LRMDA: variants seen among roughly 807,000 people sequenced by gnomAD.
The protein encoded by LRMDA is leucine rich melanocyte differentiation associated, also known as leucine-rich melanocyte differentiation-associated protein.
A neutral mutation model predicts 29.8 loss-of-function variants in LRMDA; 18 were observed. That is an observed-to-expected ratio of 0.60 (90% CI 0.42 to 0.90). LRMDA has a LOEUF of 0.90. Among genes scored for constraint, LRMDA ranks in the 40% least tolerant of loss-of-function variants. The probability of loss-of-function intolerance (pLI) is 0.00; values close to 1 mark genes in which losing one functional copy is unlikely to be tolerated. For missense variants in LRMDA, 273 were observed against 273.9 expected, an observed-to-expected ratio of 1.00 and a Z score of 0.02; for synonymous variants, 125 against 109.4, an observed-to-expected ratio of 1.14 and a Z score of -0.89.
chr10:75,544,411 T>G (rs995072325), intron 2 of LRMDA, among the ~76,000 whole-genome samples: 4 of 152,166 alleles, frequency 2.6e-5, no homozygotes, highest in African/African-American at 9.7e-5. Context: ...GTAAGTGGAA[T>G]TTTTTAGGCT....
At chr10:76,157,730 A>G (rs895116713) in intron 5 of LRMDA, among the ~76,000 whole-genome samples, 3 of 151,996 alleles carry the variant, frequency 2.0e-5, no homozygotes, top group African/African-American at 4.8e-5. Context: ...AATTATGTGT[A>G]TGTGTGTATA....
intron 2 of LRMDA, among the ~76,000 whole-genome samples, chr10:75,653,668 C>G (rs576856265): frequency 4.6e-5 from 7 of 152,144 alleles, no homozygotes; most frequent in Non-Finnish European, 8.8e-5. Context: ...CGCTAAAGAG[C>G]CATCTAGACA....
chr10:76,542,641 C>T (rs1843370844), intron 6 of LRMDA, among the ~76,000 whole-genome samples: 1 of 152,146 alleles, frequency 6.6e-6, no homozygotes. Context: ...TTTTGCACAA[C>T]ATTATTACCT....
At chr10:75,575,102 C>G (rs1372867634) in intron 2 of LRMDA, among the ~76,000 whole-genome samples, 1 of 152,154 alleles carries the variant, frequency 6.6e-6, no homozygotes, top group African/African-American at 2.4e-5. Context: ...GACCATATCT[C>G]ATGAGAACTC....
At chr10:76,191,298 A>C (rs16932997) in intron 5 of LRMDA, among the ~76,000 whole-genome samples, 23,757 of 152,214 alleles carry the variant, frequency 0.16, 2,613 homozygotes, top group East Asian at 0.53. Flanking sequence ...GACAGAATAC[A>C]TAGATCCTGG....
chr10:76,394,361 T>G (rs756281858), intron 6 of LRMDA, among the ~76,000 whole-genome samples: 2 of 152,192 alleles, frequency 1.3e-5, no homozygotes, highest in Non-Finnish European at 2.9e-5. Context: ...CTCTCATCTT[T>G]CTGTGAATGA....
At chr10:75,535,508 T>C (rs1839935484) in intron 2 of LRMDA, among the ~76,000 whole-genome samples, 2 of 152,176 alleles carry the variant, frequency 1.3e-5, no homozygotes, top group African/African-American at 4.8e-5. Flanking sequence ...TTAGAGACTC[T>C]CTTGCTCTTT....
intron 2 of LRMDA, among the ~76,000 whole-genome samples, chr10:76,028,426 G>A (rs973664204): frequency 1.3e-5 from 2 of 151,896 alleles, no homozygotes; most frequent in African/African-American, 4.8e-5. Flanking sequence ...TAATTTTTTC[G>A]AGTAAATATT....
intron 2 of LRMDA, among the ~76,000 whole-genome samples, chr10:75,526,673 T>A (rs1214616204): frequency 6.6e-6 from 1 of 151,918 alleles, no homozygotes; most frequent in African/African-American, 2.4e-5. Context: ...GACAACATAG[T>A]GAGACTCCAT....
intron 2 of LRMDA, among the ~76,000 whole-genome samples, chr10:75,800,701 C>A (rs538946168): frequency 6.6e-6 from 1 of 152,146 alleles, no homozygotes; most frequent in Non-Finnish European, 1.5e-5. Context: ...TTTTAAAGTT[C>A]TTGATTCCTC....
At chr10:76,538,674 C>T (rs1843319674) in intron 6 of LRMDA, among the ~76,000 whole-genome samples, 1 of 151,684 alleles carries the variant, frequency 6.6e-6, no homozygotes, top group Admixed American at 6.6e-5. Flanking sequence ...GATTGTTTAA[C>T]TTGTTACAAC....
chr10:75,986,947 T>A (rs925574617), intron 2 of LRMDA, among the ~76,000 whole-genome samples: 2 of 152,220 alleles, frequency 1.3e-5, no homozygotes, highest in African/African-American at 4.8e-5. Flanking sequence ...CATAGCTACA[T>A]CATTAATTGT....
At chr10:76,445,181 G>A (rs1426739479) in intron 6 of LRMDA, among the ~76,000 whole-genome samples, 1 of 152,062 alleles carries the variant, frequency 6.6e-6, no homozygotes, top group Non-Finnish European at 1.5e-5. Flanking sequence ...GCTGATATAG[G>A]ATAATTTGCC....
chr10:76,201,855 G>A (rs766811706), intron 5 of LRMDA, among the ~76,000 whole-genome samples: 1 of 152,148 alleles, frequency 6.6e-6, no homozygotes, highest in Non-Finnish European at 1.5e-5. Flanking sequence ...TATTTCTTTA[G>A]TTCCCAGTTG....
intron 5 of LRMDA, among the ~76,000 whole-genome samples, chr10:76,258,753 T>C (rs1007027637): frequency 2.6e-5 from 4 of 152,206 alleles, no homozygotes; most frequent in African/African-American, 9.6e-5. Context: ...CTTAACATAA[T>C]ATCCTCCAGT....
chr10:75,703,292 C>T (rs754707392), intron 2 of LRMDA, among the ~76,000 whole-genome samples: 19 of 152,164 alleles, frequency 1.2e-4, no homozygotes, highest in African/African-American at 2.4e-4. Context: ...GATTGGGGGA[C>T]GCAAGCGTCA....
chr10:75,824,577 C>G (rs577603567), intron 2 of LRMDA, among the ~76,000 whole-genome samples: 2 of 152,184 alleles, frequency 1.3e-5, no homozygotes, highest in Admixed American at 6.5e-5. Flanking sequence ...GATTCTTACT[C>G]TTGTAGGTCA....
chr10:76,464,070 C>A (rs913771525), intron 6 of LRMDA, among the ~76,000 whole-genome samples: 2 of 151,884 alleles, frequency 1.3e-5, no homozygotes, highest in Admixed American at 6.6e-5. Flanking sequence ...CAGGCACGAA[C>A]CACCACGCCC....
At chr10:76,375,178 C>T (rs1296688003) in intron 6 of LRMDA, among the ~76,000 whole-genome samples, 4 of 152,100 alleles carry the variant, frequency 2.6e-5, no homozygotes. Context: ...CTAAAACTCT[C>T]TGATGATCTT....
Sources: allele counts gnomAD v4.1 joint callset (sites outside exome capture counted in the v4.1 genomes callset), GRCh38; gene constraint gnomAD v4.1.1; transcripts MANE v1.5; gene names NCBI Gene and HGNC (gene_info 2026-07-23, HGNC 2026-07-21).